Variants in LRRFIP1 observed in about 807,000 individuals in gnomAD.
The protein encoded by LRRFIP1 is leucine-rich repeat flightless-interacting protein 1.
A neutral mutation model predicts 104.4 loss-of-function variants in LRRFIP1; 62 were observed. The ratio of observed to expected loss-of-function variants is 0.59; its 90% CI spans 0.48 to 0.73. LRRFIP1 has a LOEUF of 0.73. Among genes scored for constraint, LRRFIP1 ranks in the 30% least tolerant of loss-of-function variants. LRRFIP1 has a pLI of 0.00. For synonymous variants in LRRFIP1, 300 were observed against 299.0 expected (o/e 1.00, Z -0.03); for missense variants, 796 against 824.5 (o/e 0.97, Z 0.42).
chr2:237,758,650 CCTT>C (rs2059549710), intron 17 of LRRFIP1, 76 bp from the exon 18 acceptor site: 1 of 930,260 alleles, frequency 1.1e-6, no homozygotes, highest in East Asian at 2.4e-5. Flanking sequence ...GTAGAAGCCT[CCTT>C]CTGGTTCCTG....
intron 1 of LRRFIP1, chr2:237,692,149 G>C: frequency 1.0e-6 from 1 of 996,608 alleles, no homozygotes; most frequent in Middle Eastern, 4.9e-4. Flanking sequence ...GGAACTGCGT[G>C]GGGGGCGGGG....
At chr2:237,753,564 G>A in intron 15 of LRRFIP1, 85 bp downstream of exon 15, 1 of 1,182,678 alleles carries the variant, frequency 8.5e-7, no homozygotes, top group Non-Finnish European at 1.2e-6. Flanking sequence ...GGGAGGCCAA[G>A]GTGGGAGGAT....
chr2:237,724,879 C>T (rs886379989), intron 7 of LRRFIP1, among the ~76,000 whole-genome samples: 10 of 152,052 alleles, frequency 6.6e-5, no homozygotes, highest in Admixed American at 3.3e-4. Context: ...AGAGTTTTGA[C>T]GTCACCTTCC....
chr2:237,660,917 G>C (rs543628177), intron 1 of LRRFIP1, among the ~76,000 whole-genome samples: 16 of 152,114 alleles, frequency 1.1e-4, no homozygotes, highest in Non-Finnish European at 2.4e-4. Context: ...ATACAGCGTC[G>C]GGACACCTGA....
intron 1 of LRRFIP1, among the ~76,000 whole-genome samples, chr2:237,655,703 T>A (rs964431289): frequency 7.2e-5 from 11 of 152,222 alleles, no homozygotes; most frequent in Non-Finnish European, 1.6e-4. Flanking sequence ...CTCCCTAATA[T>A]GATATAACCA....
chr2:237,765,794 T>C, intron 19 of LRRFIP1: 1 of 962,602 alleles, frequency 1.0e-6, no homozygotes, highest in South Asian at 4.8e-5. Flanking sequence ...TTTTATGAAA[T>C]TATGTGGATT....
In LRRFIP1 at chr2:237,779,677, G is replaced by A. The variant is rs1377358470; in HGVS notation, c.*145G>A. On this transcript the variant is annotated 3_prime_UTR_variant, in exon 24 of 24. Transcript: ENST00000308482. ...GAGCTTGGCGCTTAGGGGCTCCCGT[G>A]CCATGGCTCACCCCAGGGAGCCCCA... 6.1e-6 allele frequency: 4 copies of A among 651,328 alleles called. No individual in the cohort carries two copies. The highest frequency in any genetic ancestry group is 7.6e-6 in the Non-Finnish European group (3 of 393,204). 40.3% of individuals were successfully genotyped at this position (651,328 alleles called of 1,614,324 possible).
At chr2:237,695,264 T>C (rs1054637283) in intron 1 of LRRFIP1, among the ~76,000 whole-genome samples, 1 of 152,210 alleles carries the variant, frequency 6.6e-6, no homozygotes, top group African/African-American at 2.4e-5. Context: ...CCTGAGTTAA[T>C]ATCCCACAGC....
intron 11 of LRRFIP1, among the ~76,000 whole-genome samples, chr2:237,744,104 G>A (rs1014412125): frequency 6.6e-6 from 1 of 152,220 alleles, no homozygotes; most frequent in Admixed American, 6.5e-5. Flanking sequence ...GGAAAAACGG[G>A]TCTTGAATTA....
chr2:237,723,698 G>C (rs1182453160), intron 7 of LRRFIP1, 112 bp downstream of exon 7: 1 of 1,382,070 alleles, frequency 7.2e-7, no homozygotes, highest in Non-Finnish European at 1.0e-6. Context: ...TTTTTGCCTG[G>C]GGGGCTATGA....
At position 237,642,947 on chromosome 2, in the gene LRRFIP1, C is replaced by T. The variant is rs186678386; in HGVS notation, c.96+15207C>T. 1.0e-3 allele frequency among the ~76,000 whole-genome samples: 158 copies of T among 152,362 alleles called. 2 individuals are homozygous for T. The highest frequency in any genetic ancestry group is 8.0e-3 in the Admixed American group (123 of 15,308). ...GAAGGGCTGCAGGGCCAAGTCCGCCCCCGTTTTACCACCTCCTCTATAAGG... is the reference window on the plus strand; with the variant it reads ...GAAGGGCTGCAGGGCCAAGTCCGCCTCCGTTTTACCACCTCCTCTATAAGG... On this transcript the variant is annotated intron_variant, in intron 1 of 23. Coordinates refer to ENST00000308482, the MANE Select transcript of LRRFIP1 (RefSeq NM_001137550.2).
In LRRFIP1 at chr2:237,735,340, C is replaced by T. The variant is rs780300293; in HGVS notation, c.555+7C>T. On this transcript the variant is annotated splice_region_variant and intron_variant, in intron 10 of 23. Transcript: ENST00000308482. This position sits in a 1 kb window ranked among gnomAD's most constrained non-coding sequence, Gnocchi z 4.6. ...CACCTCCGGCTCCCGTGCTGTAAGGCGCTTTCGGTGATACCTCCTTTCCCC... is the reference window on the plus strand; with the variant it reads ...CACCTCCGGCTCCCGTGCTGTAAGGTGCTTTCGGTGATACCTCCTTTCCCC... The T allele has an allele frequency of 6.8e-6, 11 of 1,612,148 alleles. No homozygotes were observed. The highest frequency in any genetic ancestry group is 3.3e-4 in the Middle Eastern group (2 of 6,082).
chr2:237,692,130 C>T, intron 1 of LRRFIP1: 1 of 953,258 alleles, frequency 1.0e-6, no homozygotes, highest in Non-Finnish European at 1.2e-6. Flanking sequence ...GGGAGGGCCC[C>T]TCCGAGGCGG....
chr2:237,681,925 C>T (rs1385641799), intron 1 of LRRFIP1, among the ~76,000 whole-genome samples: 3 of 151,650 alleles, frequency 2.0e-5, no homozygotes, highest in African/African-American at 4.8e-5. Flanking sequence ...GTGATCCGCC[C>T]GCCTCGGCCT....
At chr2:237,725,864 C>T (rs1010636231) in intron 7 of LRRFIP1, among the ~76,000 whole-genome samples, 4 of 152,244 alleles carry the variant, frequency 2.6e-5, no homozygotes, top group Non-Finnish European at 5.9e-5. Flanking sequence ...CAGGGTTCCG[C>T]CACAGAGCTA....
chr2:237,740,993 G>T (rs1175764636), intron 11 of LRRFIP1, among the ~76,000 whole-genome samples: 1 of 152,204 alleles, frequency 6.6e-6, no homozygotes, highest in Non-Finnish European at 1.5e-5. Context: ...TCTCCCCTCT[G>T]TATAAGTTGC....
chr2:237,691,896 G>C lies in LRRFIP1; in HGVS notation c.97-16648G>C, dbSNP rs2092791194. 6.6e-6 allele frequency among the ~76,000 whole-genome samples: 1 copy of C among 151,156 alleles called. No homozygotes were observed. The highest frequency in any genetic ancestry group is 1.5e-5 in the Non-Finnish European group (1 of 67,624). On this transcript the variant is annotated intron_variant, in intron 1 of 23. Transcript: ENST00000308482. This position sits in a 1 kb window ranked among gnomAD's most constrained non-coding sequence, Gnocchi z 5.4. ...GGCAGGACCAGGAAGATCCTTCCGA[G>C]ACGGAGCGCGGGGGGCGGGGCGGGG...
chr2:237,753,939 G>A (rs999062862), intron 15 of LRRFIP1, among the ~76,000 whole-genome samples: 1 of 151,742 alleles, frequency 6.6e-6, no homozygotes, highest in South Asian at 2.1e-4. Context: ...ATGGCTCTCC[G>A]CTTATCCAGG....
chr2:237,693,902 G>A (rs1297684491), intron 1 of LRRFIP1, among the ~76,000 whole-genome samples: 1 of 152,192 alleles, frequency 6.6e-6, no homozygotes, highest in Non-Finnish European at 1.5e-5. Flanking sequence ...CTCCTGGGCG[G>A]GTCTGGGTTC....
Sources: gnomAD v4.1 joint callset for allele counts (sites outside exome capture counted in the v4.1 genomes callset) on GRCh38, gnomAD v4.1.1 for gene constraint, Gnocchi (gnomAD v3.1) non-coding constraint, MANE v1.5 for transcripts, NCBI Gene and HGNC (gene_info 2026-07-23, HGNC 2026-07-21) for gene names.